CTNNA2: variants seen among roughly 807,000 people sequenced by gnomAD.
The protein encoded by CTNNA2 is catenin alpha-2.
A neutral mutation model predicts 101.0 loss-of-function variants in CTNNA2; 42 were observed. The observed-to-expected ratio is 0.42, with a 90% CI of 0.32 to 0.54. CTNNA2 has a LOEUF of 0.54. CTNNA2 is among the 20% of genes least tolerant of loss of function. The pLI is 0.14. For synonymous variants in CTNNA2, 450 were observed against 456.4 expected, an observed-to-expected ratio of 0.99 and a Z score of 0.18; for missense variants, 871 against 1,223.1, an observed-to-expected ratio of 0.71 and a Z score of 4.29.
intron 3 of CTNNA2, among the ~76,000 whole-genome samples, chr2:79,818,786 A>C (rs2105369592): frequency 7.0e-6 from 1 of 142,304 alleles, no homozygotes; most frequent in South Asian, 2.3e-4. Context: ...TTTGCTGCAA[A>C]GTCTGTATCA....
intron 9 of CTNNA2, among the ~76,000 whole-genome samples, chr2:80,458,119 C>T (rs1684134927): frequency 6.6e-6 from 1 of 152,168 alleles, no homozygotes; most frequent in Admixed American, 6.5e-5. Flanking sequence ...ATAAGTTGTA[C>T]ATTTTGTCTA....
At chr2:80,506,349 G>A (rs948439433) in intron 9 of CTNNA2, among the ~76,000 whole-genome samples, 2 of 152,162 alleles carry the variant, frequency 1.3e-5, no homozygotes, top group Admixed American at 1.3e-4. Context: ...AGGAAGACCG[G>A]TGAGAAAACA....
At chr2:80,454,937 A>G (rs1574077853) in intron 9 of CTNNA2, among the ~76,000 whole-genome samples, 1 of 152,240 alleles carries the variant, frequency 6.6e-6, no homozygotes, top group Non-Finnish European at 1.5e-5. Context: ...AAGCTGTGAA[A>G]TCATATCAGA....
chr2:79,919,899 C>CT (rs1452193572), intron 7 of CTNNA2, among the ~76,000 whole-genome samples: 5 of 152,142 alleles, frequency 3.3e-5, no homozygotes, highest in African/African-American at 1.2e-4. Flanking sequence ...GGTGATGTCT[C>CT]TAACACCTCT....
At chr2:80,459,917 C>T (rs928353068) in intron 9 of CTNNA2, among the ~76,000 whole-genome samples, 4 of 152,072 alleles carry the variant, frequency 2.6e-5, no homozygotes, top group Admixed American at 1.3e-4. Context: ...AGACTTGGGG[C>T]ATTCTCATAG....
intron 6 of CTNNA2, among the ~76,000 whole-genome samples, chr2:79,897,809 G>C (rs1397777818): frequency 6.6e-6 from 1 of 152,190 alleles, no homozygotes; most frequent in Non-Finnish European, 1.5e-5. Context: ...CAGCATGTTT[G>C]GTTGTCTGGT....
Position 80,114,579 on chromosome 2 carries a change from G to A in CTNNA2, c.1056+204782G>A, listed in dbSNP as rs56362367. Among the ~76,000 whole-genome samples, 329 of 152,292 alleles carry A rather than the reference G, an allele frequency of 2.2e-3. 1 individual carries two copies. Among genetic ancestry groups the A allele is most frequent in the African/African-American group, 7.5e-3 (311 of 41,562 alleles). On this transcript the variant is annotated intron_variant, in intron 7 of 18. Transcript: ENST00000402739. ...CAGAAAAAATAAAGAAGCAGCAAAT[G>A]TTCACATGCAGTGTCCAGTTAGAGG...
At chr2:79,972,411 C>G (rs1419631630) in intron 7 of CTNNA2, among the ~76,000 whole-genome samples, 2 of 152,076 alleles carry the variant, frequency 1.3e-5, no homozygotes, top group African/African-American at 4.8e-5. Context: ...GAAAATTTGG[C>G]ATTTTCATTC....
At chr2:80,152,183 T>G (rs989276134) in intron 7 of CTNNA2, among the ~76,000 whole-genome samples, 1 of 152,222 alleles carries the variant, frequency 6.6e-6, no homozygotes, top group Non-Finnish European at 1.5e-5. Context: ...TAAGAATACT[T>G]GATCCCAATA....
At chr2:80,328,479 C>G (rs1671025736) in intron 7 of CTNNA2, 1 of 436,620 alleles carries the variant, frequency 2.3e-6, no homozygotes, top group Non-Finnish European at 4.8e-6. Context: ...GAGCAGTCAT[C>G]TGGAGCAGCA....
intron 9 of CTNNA2, among the ~76,000 whole-genome samples, chr2:80,513,334 T>C (rs990057475): frequency 9.2e-5 from 14 of 152,376 alleles, no homozygotes; most frequent in Admixed American, 7.8e-4. Context: ...AGTTTCTTTC[T>C]TTATTTTTCA....
intron 9 of CTNNA2, among the ~76,000 whole-genome samples, chr2:80,449,383 A>T (rs1469565562): frequency 1.3e-5 from 2 of 152,202 alleles, no homozygotes; most frequent in Non-Finnish European, 2.9e-5. Context: ...ATATCTGTTC[A>T]TTGCAAAAAC....
chr2:79,232,410 A>G (rs1044927680), intron 2 of CTNNA2, among the ~76,000 whole-genome samples: 2 of 152,184 alleles, frequency 1.3e-5, no homozygotes, highest in African/African-American at 4.8e-5. Flanking sequence ...AACAAAGCCT[A>G]CTTGACCACT....
At chr2:79,820,783 A>T (rs573495963) in intron 3 of CTNNA2, among the ~76,000 whole-genome samples, 2 of 152,294 alleles carry the variant, frequency 1.3e-5, no homozygotes, top group South Asian at 4.1e-4. Context: ...GGAAATATTG[A>T]TGCTTAGCTG....
intron 1 of CTNNA2, among the ~76,000 whole-genome samples, chr2:79,192,871 G>T: frequency 6.6e-6 from 1 of 152,004 alleles, no homozygotes; most frequent in South Asian, 2.1e-4. Flanking sequence ...AAAAAGTGAA[G>T]AATGATAATT....
chr2:79,303,133 A>G (rs150174183), intron 2 of CTNNA2, among the ~76,000 whole-genome samples: 3 of 152,166 alleles, frequency 2.0e-5, no homozygotes, highest in Non-Finnish European at 4.4e-5. Context: ...CACAGTTTGA[A>G]AACAGAGACA....
chr2:80,000,462 A>G (rs1209598201), intron 7 of CTNNA2, among the ~76,000 whole-genome samples: 6 of 152,202 alleles, frequency 3.9e-5, no homozygotes, highest in Non-Finnish European at 8.8e-5. Context: ...TACAGTTAGT[A>G]GAGCTCACCC....
chr2:80,576,319 G>C (rs1453834423), intron 13 of CTNNA2: 2 of 151,400 alleles, frequency 1.3e-5, no homozygotes, highest in Admixed American at 6.6e-5. Context: ...TCCAGCCTCA[G>C]CTGTCAGGAC....
intron 3 of CTNNA2, among the ~76,000 whole-genome samples, chr2:79,805,368 T>C (rs1038094248): frequency 6.6e-6 from 1 of 152,184 alleles, no homozygotes; most frequent in African/African-American, 2.4e-5. Flanking sequence ...TATACAATAT[T>C]TTAAAATAAT....
Sources: gnomAD v4.1 joint callset for allele counts (sites outside exome capture counted in the v4.1 genomes callset) on GRCh38, gnomAD v4.1.1 for gene constraint, MANE v1.5 for transcripts, NCBI Gene and HGNC (gene_info 2026-07-23, HGNC 2026-07-21) for gene names.